The following SHC3 variants were observed in gnomAD, a reference collection of about 807,000 sequenced individuals.
SHC3 encodes SHC adaptor protein 3.
A neutral mutation model predicts 60.4 loss-of-function variants in SHC3; 15 were observed. The ratio of observed to expected loss-of-function variants is 0.25; its 90% CI spans 0.17 to 0.38. The LOEUF (loss-of-function observed/expected upper bound fraction) is 0.38, where lower values mean the gene tolerates loss of function less well. SHC3 is among the 10% of genes least tolerant of loss of function. SHC3 has a pLI of 1.00. For synonymous variants in SHC3, 294 were observed against 325.9 expected, an observed-to-expected ratio of 0.90 and a Z score of 1.05; for missense variants, 677 against 786.1, an observed-to-expected ratio of 0.86 and a Z score of 1.66.
intron 2 of SHC3, among the ~76,000 whole-genome samples, chr9:89,091,373 CAG>C (rs2118052857): frequency 6.6e-6 from 1 of 152,280 alleles, no homozygotes; most frequent in South Asian, 2.1e-4. Context: ...TGTTCAGAAA[CAG>C]AGTGTGTGGT....
intron 1 of SHC3, among the ~76,000 whole-genome samples, chr9:89,152,734 T>A (rs1006931350): frequency 3.3e-5 from 5 of 152,226 alleles, no homozygotes; most frequent in Admixed American, 6.5e-5. Context: ...GAAACTCTAC[T>A]TTTCATAAAT....
intron 2 of SHC3, among the ~76,000 whole-genome samples, chr9:89,085,825 CA>C (rs954172169): frequency 5.9e-5 from 9 of 152,168 alleles, no homozygotes; most frequent in Non-Finnish European, 1.2e-4. Context: ...AAATGCTTTC[CA>C]AACGCCTCCT....
intron 2 of SHC3, among the ~76,000 whole-genome samples, chr9:89,107,692 C>T (rs963785481): frequency 6.6e-6 from 1 of 152,176 alleles, no homozygotes; most frequent in South Asian, 2.1e-4. Context: ...CAAAAGCTAG[C>T]CATTCTGCAC....
intron 2 of SHC3, among the ~76,000 whole-genome samples, chr9:89,107,401 T>C (rs1179817159): frequency 6.6e-6 from 1 of 152,176 alleles, no homozygotes; most frequent in Non-Finnish European, 1.5e-5. Context: ...TGCACACAAA[T>C]GCCCATGAAG....
chr9:89,010,052 AT>A lies in SHC3; in HGVS notation c.*3394del, dbSNP rs2118623614. On this transcript the variant is annotated 3_prime_UTR_variant, in exon 12 of 12. Coordinates refer to ENST00000375835, the MANE Select transcript of SHC3 (RefSeq NM_016848.6). ...ACTTTACCTACACACACGGCTTGTC[AT>A]TTCCCGTCTTTATTAGAAATTACCC... 2 of 152,142 alleles carry A rather than the reference AT, an allele frequency of 1.3e-5. No homozygotes were observed. Among genetic ancestry groups the A allele is most frequent in the African/African-American group, 4.8e-5 (2 of 41,468 alleles). The allele number at this position is 152,142 out of a possible 1,614,324, so 9.4% of individuals were successfully genotyped here. A position where few individuals can be genotyped will look rare whatever the true frequency, so the allele number is the denominator to read the frequency against.
chr9:89,057,315 CTTTTTTTTTT>C (rs10606274), intron 6 of SHC3, among the ~76,000 whole-genome samples: 5 of 133,728 alleles, frequency 3.7e-5, no homozygotes, highest in East Asian at 4.6e-4. Flanking sequence ...TTTCCTTTTT[CTTTTTTTTTT>C]TTTTTTTTTT....
chr9:89,021,731 C>T (rs1344704430), intron 11 of SHC3, among the ~76,000 whole-genome samples: 1 of 152,194 alleles, frequency 6.6e-6, no homozygotes, highest in Admixed American at 6.5e-5. Flanking sequence ...TGCTAGGAAT[C>T]GGAACCTTGA....
intron 1 of SHC3, among the ~76,000 whole-genome samples, chr9:89,154,695 G>C (rs148355097): frequency 2.0e-5 from 3 of 152,280 alleles, no homozygotes; most frequent in Admixed American, 1.3e-4. Context: ...AAAAGACCTA[G>C]AACGCCTTTG....
chr9:89,048,581 T>C (rs1018422713), intron 7 of SHC3, among the ~76,000 whole-genome samples: 1 of 152,164 alleles, frequency 6.6e-6, no homozygotes, highest in African/African-American at 2.4e-5. Context: ...CGTTCTGGAA[T>C]TAATGGTGAT....
intron 2 of SHC3, among the ~76,000 whole-genome samples, chr9:89,102,718 G>A (rs781560290): frequency 2.6e-5 from 4 of 152,164 alleles, no homozygotes; most frequent in Non-Finnish European, 5.9e-5. Flanking sequence ...GTACAGCAAA[G>A]TCATTTCATT....
At chr9:89,040,386 C>T (rs1824669725) in intron 10 of SHC3, among the ~76,000 whole-genome samples, 1 of 151,612 alleles carries the variant, frequency 6.6e-6, no homozygotes, top group Admixed American at 6.6e-5. Flanking sequence ...TAGGCACCAG[C>T]CTTTCTAAGG....
At chr9:89,141,650 G>A (rs1213597526) in intron 1 of SHC3, among the ~76,000 whole-genome samples, 1 of 152,040 alleles carries the variant, frequency 6.6e-6, no homozygotes, top group Non-Finnish European at 1.5e-5. Flanking sequence ...TTCTGTTCTG[G>A]CCGGAGAAAA....
At chr9:89,061,111 TA>T (rs1306113909) in intron 6 of SHC3, among the ~76,000 whole-genome samples, 6 of 152,144 alleles carry the variant, frequency 3.9e-5, no homozygotes. Context: ...GCTTTGTTTG[TA>T]AAAACACTGC....
chr9:89,114,914 C>G lies in SHC3; in HGVS notation c.475-2288G>C, dbSNP rs536806251. On this transcript the variant is annotated intron_variant, in intron 1 of 11. Coordinates refer to ENST00000375835, the MANE Select transcript of SHC3 (RefSeq NM_016848.6). ...TAAAGTTAGGTGAATACCACTACCA[C>G]TGATGTCGCAGCGTGATATGAATGC... Among the ~76,000 whole-genome samples the G allele has an allele frequency of 7.9e-5, 12 of 152,246 alleles. No individual in the cohort carries two copies. In the South Asian group the frequency reaches 2.5e-3, roughly 32 times the overall value.
intron 2 of SHC3, chr9:89,109,747 TC>T: frequency 1.0e-6 from 1 of 985,542 alleles, no homozygotes; most frequent in Middle Eastern, 5.2e-4. Context: ...AGGCTCCTGC[TC>T]CCTTCTTCAT....
Position 89,178,103 on chromosome 9 carries a change from C to A in SHC3, c.358G>T (p.Ala120Ser). 1 of 1,162,190 alleles carries A rather than the reference C, an allele frequency of 8.6e-7. No individual in the cohort carries two copies. The highest frequency in any genetic ancestry group is 1.1e-6 in the Non-Finnish European group (1 of 943,730). The allele number at this position is 1,162,190 out of a possible 1,614,324, so 72.0% of individuals were successfully genotyped here. The change falls in exon 1 of 12, where the codon GCC becomes TCC. Residue 120 changes from alanine (A) to serine (S), a missense_variant. Physicochemically the swap from Ala to Ser is moderately conservative, Grantham distance 99. Transcript: ENST00000375835. The surrounding 1 kb of genome is among the most constrained non-coding windows in gnomAD (Gnocchi z 6.9). ...CGGCCCTTCCTGGCGGCGCTCATGGCCGGGGCGCGGGGCGCCGAGGGCGCA... is the reference window on the plus strand; with the variant it reads ...CGGCCCTTCCTGGCGGCGCTCATGGACGGGGCGCGGGGCGCCGAGGGCGCA... ...GSAPSAPRAP[A>S]MSAARKGRPG...
At chr9:89,100,772 A>G (rs1242808213) in intron 2 of SHC3, among the ~76,000 whole-genome samples, 5 of 152,172 alleles carry the variant, frequency 3.3e-5, no homozygotes, top group South Asian at 2.1e-4. Flanking sequence ...TTTACTTGGC[A>G]TAGTGTTTTT....
At chr9:89,113,555 G>T (rs1228425352) in intron 1 of SHC3, among the ~76,000 whole-genome samples, 1 of 152,274 alleles carries the variant, frequency 6.6e-6, no homozygotes, top group East Asian at 1.9e-4. Flanking sequence ...GGCTGGCTTT[G>T]TCATATCTTC....
chr9:89,090,124 C>A lies in SHC3; in HGVS notation c.546-12221G>T, dbSNP rs182068490. 7.7e-3 allele frequency among the ~76,000 whole-genome samples: 1,175 copies of A among 152,236 alleles called. 10 individuals are homozygous for A. The highest frequency in any genetic ancestry group is 0.01 in the Middle Eastern group (3 of 294). The stretch of plus-strand genomic sequence containing the variant: ...ATGACAGTAGGAGATGTGGATGTTG[C>A]CCTTACTCCAAGGTGGAGATAAAAT... On this transcript the variant is annotated intron_variant, in intron 2 of 11. Transcript: ENST00000375835.
Sources: gnomAD v4.1 joint callset for allele counts (sites outside exome capture counted in the v4.1 genomes callset) on GRCh38, gnomAD v4.1.1 for gene constraint, Gnocchi (gnomAD v3.1) non-coding constraint, MANE v1.5 for transcripts, NCBI Gene and HGNC (gene_info 2026-07-23, HGNC 2026-07-21) for gene names.